PPP2R5E: variants seen among roughly 807,000 people sequenced by gnomAD.
PPP2R5E encodes the protein protein phosphatase 2 regulatory subunit B'epsilon, also known as serine/threonine-protein phosphatase 2A 56 kDa regulatory subunit epsilon isoform.
Under a neutral mutation model 65.3 loss-of-function variants are expected in PPP2R5E, and 4 were observed. The observed-to-expected ratio is 0.06, with a 90% CI of 0.03 to 0.14. The LOEUF (loss-of-function observed/expected upper bound fraction) is 0.14. PPP2R5E is among the 10% of genes least tolerant of loss of function. The probability of loss-of-function intolerance (pLI) is 1.00; values close to 1 mark genes in which losing one functional copy is unlikely to be tolerated. For missense variants in PPP2R5E, 274 were observed against 556.1 expected, an observed-to-expected ratio of 0.49 and a Z score of 5.10; for synonymous variants, 183 against 187.4, an observed-to-expected ratio of 0.98 and a Z score of 0.19.
chr14:63,487,947 A>C (rs575831166), intron 2 of PPP2R5E, among the ~76,000 whole-genome samples: 1 of 152,180 alleles, frequency 6.6e-6, no homozygotes, highest in Non-Finnish European at 1.5e-5. Flanking sequence ...CATGGTCTCA[A>C]CTGCTTCCTT....
intron 2 of PPP2R5E, 54 bp downstream of exon 2, chr14:63,539,475 T>G (rs769178290): frequency 6.5e-6 from 10 of 1,546,326 alleles, no homozygotes; most frequent in Non-Finnish European, 8.7e-6. Flanking sequence ...AAATTATATA[T>G]AGATGTAGAA....
intron 3 of PPP2R5E, among the ~76,000 whole-genome samples, chr14:63,435,896 C>T (rs2139414851): frequency 6.6e-6 from 1 of 152,304 alleles, no homozygotes; most frequent in East Asian, 1.9e-4. Context: ...ATTGTACTCG[C>T]TCCAAAATTG....
At chr14:63,465,077 G>A (rs562524192) in intron 2 of PPP2R5E, among the ~76,000 whole-genome samples, 25 of 151,234 alleles carry the variant, frequency 1.7e-4, no homozygotes, top group African/African-American at 5.8e-4. Context: ...GTACTTCACA[G>A]GGTTGAGTAA....
rs369863878 is a variant in PPP2R5E, at chr14:63,445,731, A to C, written c.354+7958T>G. 6.9e-3 allele frequency among the ~76,000 whole-genome samples: 1,055 copies of C among 151,990 alleles called. 3 individuals carry two copies. Among genetic ancestry groups the C allele is most frequent in the Non-Finnish European group, 0.012 (785 of 67,972 alleles). ...GTGGTGAGCGCCTGTAATCCCAGCT[A>C]CTCGGGAGGCTGAGGCAGAAGAATC... On this transcript the variant is annotated intron_variant, in intron 3 of 13. Transcript: ENST00000337537.
chr14:63,453,636 G>T, intron 3 of PPP2R5E, 53 bp downstream of exon 3: 1 of 1,549,520 alleles, frequency 6.5e-7, no homozygotes. Context: ...ATACACCTGT[G>T]AGTCACTATG....
intron 2 of PPP2R5E, among the ~76,000 whole-genome samples, chr14:63,528,950 GAACA>G (rs1161159300): frequency 7.9e-5 from 12 of 152,192 alleles, no homozygotes; most frequent in Admixed American, 2.6e-4. Context: ...TCAGACAAGT[GAACA>G]AACAAAGATA....
At chr14:63,517,176 G>A (rs569328168) in intron 2 of PPP2R5E, among the ~76,000 whole-genome samples, 25 of 152,030 alleles carry the variant, frequency 1.6e-4, no homozygotes, top group Non-Finnish European at 3.1e-4. Flanking sequence ...ATTATGTTAT[G>A]ACAGTACATA....
chr14:63,434,521 C>A (rs1887857438), intron 3 of PPP2R5E, among the ~76,000 whole-genome samples: 1 of 152,206 alleles, frequency 6.6e-6, no homozygotes, highest in South Asian at 2.1e-4. Flanking sequence ...CAAGTCCCAG[C>A]CCTTAGTATG....
At position 63,539,447 on chromosome 14, in the gene PPP2R5E, T is replaced by C. The variant is rs1054482495; in HGVS notation, c.157+82A>G. 5.5e-6 allele frequency: 8 copies of C among 1,454,034 alleles called. No individual in the cohort carries two copies. In the African/African-American group the frequency reaches 7.1e-5, roughly 13 times the overall value. The allele number at this position is 1,454,034 out of a possible 1,614,324, so 90.1% of individuals were successfully genotyped here. ...CCATCCCTTCAATTTGCAACACATATAAAACTCTACAAAAAGGAAATTATA... is the reference window on the plus strand; with the variant it reads ...CCATCCCTTCAATTTGCAACACATACAAAACTCTACAAAAAGGAAATTATA... On this transcript the variant is annotated intron_variant, in intron 2 of 13. Coordinates refer to ENST00000337537, the MANE Select transcript of PPP2R5E (RefSeq NM_006246.5).
chr14:63,478,349 A>G (rs1355192887), intron 2 of PPP2R5E, among the ~76,000 whole-genome samples: 4 of 152,214 alleles, frequency 2.6e-5, no homozygotes, highest in African/African-American at 9.7e-5. Flanking sequence ...TTACCACATT[A>G]AAATTAAAAA....
At chr14:63,480,428 T>A (rs535153990) in intron 2 of PPP2R5E, among the ~76,000 whole-genome samples, 2 of 152,090 alleles carry the variant, frequency 1.3e-5, no homozygotes, top group African/African-American at 4.8e-5. Flanking sequence ...TGCACTCCAG[T>A]CTAGGCAACA....
At chr14:63,539,794 T>C in intron 1 of PPP2R5E, 102 bp from the exon 2 acceptor site, 1 of 1,199,364 alleles carries the variant, frequency 8.3e-7, no homozygotes, top group Non-Finnish European at 1.2e-6. Flanking sequence ...TTCATGAAAA[T>C]GGGAATATGT....
chr14:63,430,289 G>A (rs1887566149), intron 3 of PPP2R5E, among the ~76,000 whole-genome samples: 1 of 151,802 alleles, frequency 6.6e-6, no homozygotes, highest in Admixed American at 6.6e-5. Flanking sequence ...CGAGGCGGGA[G>A]GATCACTTGT....
chr14:63,466,850 T>C (rs1253700287), intron 2 of PPP2R5E, among the ~76,000 whole-genome samples: 2 of 152,156 alleles, frequency 1.3e-5, no homozygotes, highest in Non-Finnish European at 2.9e-5. Context: ...AAATCAAAAC[T>C]TGGAGAACAG....
In PPP2R5E at chr14:63,478,796, T is replaced by A. The variant is rs150002579; in HGVS notation, c.158-24911A>T. 3.3e-5 allele frequency among the ~76,000 whole-genome samples: 5 copies of A among 152,168 alleles called. No homozygotes were observed. The East Asian group carries it at 9.7e-4, about 29-fold the overall frequency. On this transcript the variant is annotated intron_variant, in intron 2 of 13. Transcript: ENST00000337537. Reference sequence around the variant, plus strand: ...TTACCCTGAGAGGAGATTAAGTCACTTAACTTCTCTAGATGCCAATCTCCT... The same window carrying A: ...TTACCCTGAGAGGAGATTAAGTCACATAACTTCTCTAGATGCCAATCTCCT...
intron 2 of PPP2R5E, among the ~76,000 whole-genome samples, chr14:63,515,235 G>T (rs1313597747): frequency 6.6e-6 from 1 of 152,168 alleles, no homozygotes; most frequent in Admixed American, 6.5e-5. Flanking sequence ...CAATAAAGTT[G>T]AAGTCAAACA....
intron 3 of PPP2R5E, among the ~76,000 whole-genome samples, chr14:63,435,273 T>TA (rs11393934): frequency 0.064 from 9,714 of 150,778 alleles, 336 homozygotes; most frequent in African/African-American, 0.08. Flanking sequence ...AAAGTCATAT[T>TA]AAAAAAAAAG....
At chr14:63,537,827 C>T (rs1169930098) in intron 2 of PPP2R5E, among the ~76,000 whole-genome samples, 1 of 152,184 alleles carries the variant, frequency 6.6e-6, no homozygotes, top group Non-Finnish European at 1.5e-5. Flanking sequence ...GTATTCAGCA[C>T]ATAAACATCC....
intron 4 of PPP2R5E, among the ~76,000 whole-genome samples, chr14:63,419,617 GCC>G (rs551430017): frequency 0.031 from 4,784 of 152,256 alleles, 144 homozygotes; most frequent in East Asian, 0.13. Context: ...CAAGTCAGGA[GCC>G]TTGGTCCAAA....
Sources: gnomAD v4.1 joint callset for allele counts (sites outside exome capture counted in the v4.1 genomes callset) on GRCh38, gnomAD v4.1.1 for gene constraint, MANE v1.5 for transcripts, NCBI Gene and HGNC (gene_info 2026-07-23, HGNC 2026-07-21) for gene names.